Variants in CDK14 observed in about 807,000 individuals in gnomAD.
CDK14 encodes cyclin-dependent kinase 14.
Under a neutral mutation model 60.7 loss-of-function variants are expected in CDK14, and 34 were observed. That is an observed-to-expected ratio of 0.56 (90% CI 0.43 to 0.75). The LOEUF is 0.75. Among genes scored for constraint, CDK14 ranks in the 30% least tolerant of loss-of-function variants. CDK14 has a pLI of 0.00. For missense variants in CDK14, 482 were observed against 564.1 expected, an observed-to-expected ratio of 0.85 and a Z score of 1.47; for synonymous variants, 197 against 203.7, an observed-to-expected ratio of 0.97 and a Z score of 0.28.
At chr7:91,176,869 C>T (rs1801780793) in intron 14 of CDK14, among the ~76,000 whole-genome samples, 1 of 152,158 alleles carries the variant, frequency 6.6e-6, no homozygotes, top group Admixed American at 6.5e-5. Context: ...CAGCCGAATT[C>T]TACCAGAGGT....
In CDK14 at chr7:90,803,150, C is replaced by T. The variant is rs1268230888; in HGVS notation, c.544+12498C>T. ...ATCTAAGATGTCAGTATTTGGGGGT[C>T]GTTTCTTGGAAGGAGGCTTCAGTTT... On this transcript the variant is annotated intron_variant, in intron 5 of 14. Coordinates refer to ENST00000380050, the MANE Select transcript of CDK14 (RefSeq NM_001287135.2). 2.0e-5 allele frequency among the ~76,000 whole-genome samples: 3 copies of T among 149,860 alleles called. No homozygotes were observed. In the Admixed American group the frequency reaches 2.0e-4, roughly 10 times the overall value.
chr7:90,716,134 A>G (rs1802242532), intron 2 of CDK14, among the ~76,000 whole-genome samples: 1 of 151,874 alleles, frequency 6.6e-6, no homozygotes, highest in African/African-American at 2.4e-5. Flanking sequence ...TTTTTGGGAT[A>G]TTTAATGTTT....
chr7:90,803,548 T>G (rs1788724082), intron 5 of CDK14, among the ~76,000 whole-genome samples: 1 of 152,010 alleles, frequency 6.6e-6, no homozygotes, highest in South Asian at 2.1e-4. Context: ...ATTAGGTAGA[T>G]AGTGGAACCA....
rs1562995508 is a variant in CDK14, at chr7:91,209,027, A to T, written c.*1891A>T. ...TAAATTAGGATTTCTTAAAGAAAAC[A>T]TAGGGAGAAAACTTTACATGCAATT... is the stretch of plus-strand genomic sequence containing the variant. On this transcript the variant is annotated 3_prime_UTR_variant, in exon 15 of 15. Transcript: ENST00000380050. 6.6e-6 allele frequency: 1 copy of T among 152,638 alleles called. No individual in the cohort carries two copies. The highest frequency in any genetic ancestry group is 1.5e-5 in the Non-Finnish European group (1 of 68,036). The allele number at this position is 152,638 out of a possible 1,614,324, so 9.5% of individuals were successfully genotyped here. A position where few individuals can be genotyped will look rare whatever the true frequency, so the allele number is the denominator to read the frequency against.
chr7:90,989,623 G>A (rs924533445), intron 10 of CDK14, among the ~76,000 whole-genome samples: 7 of 152,166 alleles, frequency 4.6e-5, no homozygotes, highest in African/African-American at 1.7e-4. Flanking sequence ...TTGGTCAGCA[G>A]ATGTGAGACC....
At chr7:90,820,196 T>C (rs544109589) in intron 5 of CDK14, among the ~76,000 whole-genome samples, 1 of 152,196 alleles carries the variant, frequency 6.6e-6, no homozygotes, top group Non-Finnish European at 1.5e-5. Flanking sequence ...TATTTTTATT[T>C]GCTAAATATG....
At chr7:90,860,788 G>T (rs1429480983) in intron 5 of CDK14, among the ~76,000 whole-genome samples, 1 of 152,110 alleles carries the variant, frequency 6.6e-6, no homozygotes, top group Non-Finnish European at 1.5e-5. Flanking sequence ...CTCCCAAAGT[G>T]CTGGGATTAC....
intron 14 of CDK14, among the ~76,000 whole-genome samples, chr7:91,193,546 G>A (rs1802441068): frequency 6.6e-6 from 1 of 152,080 alleles, no homozygotes. Context: ...ATAACATTTA[G>A]AGTCCATACA....
chr7:91,199,955 A>G (rs901010038), intron 14 of CDK14, among the ~76,000 whole-genome samples: 4 of 152,242 alleles, frequency 2.6e-5, no homozygotes, highest in Non-Finnish European at 5.9e-5. Flanking sequence ...ATTATCATAA[A>G]TCAGAAATAA....
At chr7:90,899,068 A>G (rs1226071805) in intron 6 of CDK14, among the ~76,000 whole-genome samples, 3 of 151,920 alleles carry the variant, frequency 2.0e-5, no homozygotes, top group African/African-American at 7.2e-5. Flanking sequence ...TTTAATATAT[A>G]GAAATATTTA....
chr7:90,596,380 G>A lies in CDK14; in HGVS notation c.-248G>A. The A allele has an allele frequency of 5.4e-6, 1 of 183,986 alleles. No homozygotes were observed. Among genetic ancestry groups the A allele is most frequent in the Non-Finnish European group, 1.1e-5 (1 of 89,706 alleles). The allele number at this position is 183,986 out of a possible 1,614,324, so 11.4% of individuals were successfully genotyped here. On this transcript the variant is annotated 5_prime_UTR_variant, in exon 1 of 15. Transcript: ENST00000380050. Reference sequence around the variant, plus strand: ...GCGGCGCGGGGCCACCACGGCGGCGGCGAGCGCGGCCGCCCCCGGCACCAC... The same window carrying A: ...GCGGCGCGGGGCCACCACGGCGGCGACGAGCGCGGCCGCCCCCGGCACCAC...
In CDK14 at chr7:90,625,038, G is replaced by A. The variant is rs547387571; in HGVS notation, c.123+20789G>A. Among the ~76,000 whole-genome samples, 12 of 152,294 alleles carry A rather than the reference G, an allele frequency of 7.9e-5. No homozygotes were observed. The South Asian group carries it at 1.7e-3, about 21-fold the overall frequency. On this transcript the variant is annotated intron_variant, in intron 2 of 14. Coordinates refer to ENST00000380050, the MANE Select transcript of CDK14 (RefSeq NM_001287135.2). ...AAACGTGTAAAACACTTAAAACGGC[G>A]AATGGCTCATAGTAAATTCTCTACT...
intron 2 of CDK14, among the ~76,000 whole-genome samples, chr7:90,652,020 C>G (rs1800655946): frequency 6.6e-6 from 1 of 152,136 alleles, no homozygotes; most frequent in Non-Finnish European, 1.5e-5. Context: ...TTCCCAGTGG[C>G]CTCCATCCTC....
At chr7:90,603,702 A>G (rs372845655) in intron 1 of CDK14, among the ~76,000 whole-genome samples, 2 of 152,220 alleles carry the variant, frequency 1.3e-5, no homozygotes, top group South Asian at 2.1e-4. Flanking sequence ...AAAATTTATC[A>G]TGTCGAAATG....
intron 7 of CDK14, among the ~76,000 whole-genome samples, chr7:90,903,481 G>A (rs1376143884): frequency 1.3e-5 from 2 of 152,098 alleles, no homozygotes; most frequent in African/African-American, 4.8e-5. Context: ...CAAATAGGGT[G>A]TATTTATATT....
intron 2 of CDK14, among the ~76,000 whole-genome samples, chr7:90,649,360 C>CTTT (rs1800561866): frequency 2.7e-5 from 1 of 36,902 alleles, no homozygotes; most frequent in African/African-American, 1.7e-4. Context: ...TTCCTTCCTT[C>CTTT]CTTCCTTTCC....
At chr7:90,613,972 GA>G (rs1799596803) in intron 2 of CDK14, among the ~76,000 whole-genome samples, 1 of 150,968 alleles carries the variant, frequency 6.6e-6, no homozygotes, top group Non-Finnish European at 1.5e-5. Context: ...TTCCAGTCCT[GA>G]GTGTTTGAGA....
At chr7:90,940,516 T>C (rs1271584612) in intron 8 of CDK14, among the ~76,000 whole-genome samples, 1 of 152,198 alleles carries the variant, frequency 6.6e-6, no homozygotes, top group Non-Finnish European at 1.5e-5. Flanking sequence ...CTGGGTGCAG[T>C]GGCTCATACC....
chr7:90,726,690 T>C lies in CDK14; in HGVS notation c.247T>C (p.Phe83Leu). 6.2e-7 allele frequency: 1 copy of C among 1,613,834 alleles called. No homozygotes were observed. Among genetic ancestry groups the C allele is most frequent in the Admixed American group, 1.7e-5 (1 of 59,978 alleles). ...GAGGACACAGAGCACTTTTGACCCA[T>C]TTGAGAAACCAGCTAATCAAGTAAA... is the stretch of plus-strand genomic sequence containing the variant. Reference protein sequence around the residue: ...VQRTQSTFDPFEKPANQVKRV... With the variant: ...VQRTQSTFDPLEKPANQVKRV... Residue 83 changes from phenylalanine to leucine, a missense_variant, in exon 3 of 15, where the codon TTT (phenylalanine) becomes CTT (leucine). Phe to Leu is a conservative substitution (Grantham distance 22). Transcript: ENST00000380050.
Sources: gnomAD v4.1 joint callset for allele counts (sites outside exome capture counted in the v4.1 genomes callset) on GRCh38, gnomAD v4.1.1 for gene constraint, MANE v1.5 for transcripts, NCBI Gene and HGNC (gene_info 2026-07-23, HGNC 2026-07-21) for gene names.